The following RAB30 variants were observed in gnomAD, a reference collection of about 807,000 sequenced individuals.
RAB30 encodes the protein ras-related protein Rab-30.
A neutral mutation model predicts 25.1 loss-of-function variants in RAB30; 9 were observed. That is an observed-to-expected ratio of 0.36 (90% CI 0.22 to 0.63). The LOEUF is 0.63. Ranked by LOEUF, RAB30 falls within the 20% of genes least tolerant of loss-of-function variation. The pLI is 0.69. For missense variants in RAB30, 140 were observed against 243.5 expected (o/e 0.58, Z 2.83); for synonymous variants, 77 against 86.4 (o/e 0.89, Z 0.60).
intron 1 of RAB30, among the ~76,000 whole-genome samples, chr11:83,018,408 A>C (rs1857490440): frequency 6.6e-6 from 1 of 151,238 alleles, no homozygotes. Context: ...GTGGTATCTC[A>C]TTGTGGTTTT....
chr11:83,038,877 C>T (rs2121514594), intron 1 of RAB30: 1 of 151,540 alleles, frequency 6.6e-6, no homozygotes, highest in South Asian at 2.1e-4. Flanking sequence ...TCTATTACTA[C>T]AGATCCATAA....
intron 1 of RAB30, among the ~76,000 whole-genome samples, chr11:83,015,510 T>C (rs1436550347): frequency 6.6e-6 from 1 of 152,212 alleles, no homozygotes; most frequent in Non-Finnish European, 1.5e-5. Context: ...GAGTCCTCTT[T>C]TGGCCATGTT....
intron 1 of RAB30, among the ~76,000 whole-genome samples, chr11:83,007,988 A>C (rs904376826): frequency 4.6e-5 from 7 of 152,250 alleles, no homozygotes; most frequent in African/African-American, 1.7e-4. Flanking sequence ...ATACCACTGC[A>C]AAGAGCTCTG....
intron 1 of RAB30, chr11:83,039,085 A>T (rs1858048854): frequency 6.6e-6 from 1 of 152,210 alleles, no homozygotes; most frequent in Admixed American, 6.5e-5. Flanking sequence ...AAAGAAAAAG[A>T]CAAAGAAAAC....
intron 1 of RAB30, among the ~76,000 whole-genome samples, chr11:83,046,502 T>C (rs1858237273): frequency 1.3e-5 from 2 of 152,156 alleles, no homozygotes; most frequent in Admixed American, 6.5e-5. Flanking sequence ...TTTTACTTTT[T>C]TTTTTTTAAG....
At chr11:83,008,027 A>G (rs1430973239) in intron 1 of RAB30, among the ~76,000 whole-genome samples, 1 of 152,136 alleles carries the variant, frequency 6.6e-6, no homozygotes, top group Non-Finnish European at 1.5e-5. Context: ...TCCCCCTTGT[A>G]TTCTCTAAAT....
At position 82,994,085 on chromosome 11, in the gene RAB30, A is replaced by G; in HGVS notation, c.131T>C (p.Val44Ala). The G allele has an allele frequency of 6.2e-7, 1 of 1,612,060 alleles. No individual in the cohort carries two copies. The highest frequency in any genetic ancestry group is 8.5e-7 in the Non-Finnish European group (1 of 1,178,156). ...FPPGQGATIG[V>A]DFMIKTVEIN... ...CTCCACTGTCTTAATCATAAAATCA[A>G]CTCCAATTGTGGCTCCTTGACCTGG... The change falls in exon 3 of 5, where the codon GTT becomes GCT. Residue 44 changes from valine to alanine, a missense_variant. Physicochemically the swap from Val to Ala is moderately conservative, Grantham distance 64 (BLOSUM62 0). Transcript: ENST00000527633.
chr11:82,974,667 G>T lies in RAB30; in HGVS notation c.*7498C>A, dbSNP rs764874599. 1.3e-5 allele frequency: 2 copies of T among 152,110 alleles called. No homozygotes were observed. Among genetic ancestry groups the T allele is most frequent in the African/African-American group, 2.4e-5 (1 of 41,448 alleles). The allele number at this position is 152,110 out of a possible 1,614,324, so 9.4% of individuals were successfully genotyped here. A position where few individuals can be genotyped will look rare whatever the true frequency, so the allele number is the denominator to read the frequency against. ...CTGTTTATTAGTTAAAACTATGTAT[G>T]TATTAATATTAAAGATCCATGTTTC... On this transcript the variant is annotated 3_prime_UTR_variant, in exon 5 of 5. Coordinates refer to ENST00000527633, the MANE Select transcript of RAB30 (RefSeq NM_001286060.2).
intron 1 of RAB30, among the ~76,000 whole-genome samples, chr11:83,011,053 A>G (rs1434297417): frequency 6.6e-6 from 1 of 152,234 alleles, no homozygotes; most frequent in Non-Finnish European, 1.5e-5. Context: ...CAAAAGTAAA[A>G]ATGTGTTATG....
intron 1 of RAB30, among the ~76,000 whole-genome samples, chr11:83,035,136 A>G (rs541837378): frequency 1.3e-4 from 19 of 151,504 alleles, no homozygotes; most frequent in Non-Finnish European, 2.4e-4. Flanking sequence ...TGGCTCAGAC[A>G]TTCAATAATT....
intron 1 of RAB30, among the ~76,000 whole-genome samples, chr11:83,020,267 G>A (rs114398956): frequency 0.015 from 2,323 of 152,354 alleles, 71 homozygotes; most frequent in African/African-American, 0.054. Flanking sequence ...GCTCAGAGGT[G>A]CCTGCTCCCA....
intron 1 of RAB30, among the ~76,000 whole-genome samples, chr11:83,006,874 T>C (rs1289106087): frequency 6.6e-6 from 1 of 152,206 alleles, no homozygotes; most frequent in Non-Finnish European, 1.5e-5. Flanking sequence ...CAAGGAGGAT[T>C]CATTCTTTCA....
Position 83,047,119 on chromosome 11 carries a change from C to CCT in RAB30, c.-9+24570_-9+24571dup, listed in dbSNP as rs1590873876. 2.6e-5 allele frequency among the ~76,000 whole-genome samples: 4 copies of CCT among 152,264 alleles called. No individual in the cohort carries two copies. In the East Asian group the frequency reaches 7.7e-4, roughly 29 times the overall value. On this transcript the variant is annotated intron_variant, in intron 1 of 4. Coordinates refer to ENST00000527633, the MANE Select transcript of RAB30 (RefSeq NM_001286060.2). ...GCAGCAGCAACCCTAAGAACTAAAT[C>CCT]CTCTACCAAGGGGGCAAGTTGGGTC...
At chr11:83,065,817 T>C (rs1271303911) in intron 1 of RAB30, among the ~76,000 whole-genome samples, 1 of 152,106 alleles carries the variant, frequency 6.6e-6, no homozygotes, top group African/African-American at 2.4e-5. Flanking sequence ...CATGTGAACC[T>C]CCCAACAACC....
chr11:83,003,500 G>A (rs141454799), intron 1 of RAB30, among the ~76,000 whole-genome samples: 5,388 of 152,020 alleles, frequency 0.035, 341 homozygotes, highest in African/African-American at 0.12. Flanking sequence ...TCGGCTCACC[G>A]CAACCTCTGC....
At chr11:83,006,950 C>A (rs1167027196) in intron 1 of RAB30, among the ~76,000 whole-genome samples, 1 of 152,238 alleles carries the variant, frequency 6.6e-6, no homozygotes, top group Non-Finnish European at 1.5e-5. Flanking sequence ...CAAACAATAG[C>A]TTGCTTGTGT....
rs1386126984 is a variant in RAB30, at chr11:82,976,669, A to G, written c.*5496T>C. 6.6e-6 allele frequency: 1 copy of G among 152,184 alleles called. No homozygotes were observed. The highest frequency in any genetic ancestry group is 1.5e-5 in the Non-Finnish European group (1 of 68,028). 9.4% of individuals were successfully genotyped at this position (152,184 alleles called of 1,614,324 possible). A position where few individuals can be genotyped will look rare whatever the true frequency, so the allele number is the denominator to read the frequency against. ...TCCAAAGGAGTCCAAGAAAGTCTCAATCAAACTCAAATAGATTTGTCACCA... is the reference window on the plus strand; with the variant it reads ...TCCAAAGGAGTCCAAGAAAGTCTCAGTCAAACTCAAATAGATTTGTCACCA... On this transcript the variant is annotated 3_prime_UTR_variant, in exon 5 of 5. Transcript: ENST00000527633.
intron 1 of RAB30, among the ~76,000 whole-genome samples, chr11:83,069,526 A>G (rs1210895794): frequency 1.3e-5 from 2 of 152,140 alleles, no homozygotes; most frequent in Non-Finnish European, 2.9e-5. Flanking sequence ...AAAAAACCAA[A>G]TGGGCAGTTT....
chr11:83,001,038 C>T (rs1034189775), intron 1 of RAB30, among the ~76,000 whole-genome samples: 17 of 116,464 alleles, frequency 1.5e-4, no homozygotes, highest in Admixed American at 1.0e-4. Context: ...CAGAACGAGA[C>T]TCCGTCTCAA....
Sources: gnomAD v4.1 joint callset for allele counts (sites outside exome capture counted in the v4.1 genomes callset) on GRCh38, gnomAD v4.1.1 for gene constraint, MANE v1.5 for transcripts, NCBI Gene and HGNC (gene_info 2026-07-23, HGNC 2026-07-21) for gene names.